Variants in SMOC1 observed in about 807,000 individuals in gnomAD.
SMOC1 encodes SPARC related modular calcium binding 1.
SMOC1 carries 22 observed loss-of-function variants against 56.3 expected under a neutral mutation model. That is an observed-to-expected ratio of 0.39 (90% CI 0.28 to 0.56). The LOEUF is 0.56. Among genes scored for constraint, SMOC1 ranks in the 20% least tolerant of loss-of-function variants. The pLI is 0.61. For missense variants in SMOC1, 509 were observed against 565.4 expected (o/e 0.90, Z 1.01); for synonymous variants, 193 against 215.0 (o/e 0.90, Z 0.89).
At chr14:69,948,051 G>A (rs934469928) in intron 1 of SMOC1, among the ~76,000 whole-genome samples, 4 of 152,166 alleles carry the variant, frequency 2.6e-5, no homozygotes, top group African/African-American at 9.7e-5. Flanking sequence ...TTCCTATGCT[G>A]GTACGGTGTT....
rs1884038110 is a variant in SMOC1, at chr14:69,978,149, G to A, written c.526+184G>A. On this transcript the variant is annotated intron_variant, in intron 5 of 11. Transcript: ENST00000361956. ...GGTAAGTAAGGCTCATACAGTGATG[G>A]ACACCAAGCTCCCAGATTTCCCAAG... The A allele has an allele frequency of 1.4e-5, 9 of 653,976 alleles. 1 individual carries two copies. In the South Asian group the frequency reaches 1.5e-4, roughly 11 times the overall value. The allele number at this position is 653,976 out of a possible 1,614,324, so 40.5% of individuals were successfully genotyped here.
chr14:69,902,268 G>A (rs1884261988), intron 1 of SMOC1, among the ~76,000 whole-genome samples: 3 of 152,346 alleles, frequency 2.0e-5, no homozygotes, highest in South Asian at 4.1e-4. Context: ...AAAGCTGAGA[G>A]AGGAAAGAGA....
chr14:69,958,570 G>A (rs565326237), intron 3 of SMOC1, among the ~76,000 whole-genome samples: 17 of 152,260 alleles, frequency 1.1e-4, no homozygotes, highest in Middle Eastern at 3.4e-3. Flanking sequence ...AAGGGAAAAG[G>A]GTGCCCTTCT....
chr14:69,935,193 G>A (rs1885264767), intron 1 of SMOC1, among the ~76,000 whole-genome samples: 1 of 152,086 alleles, frequency 6.6e-6, no homozygotes, highest in Non-Finnish European at 1.5e-5. Flanking sequence ...GTGGAGACAG[G>A]GACCCCAAAT....
intron 3 of SMOC1, among the ~76,000 whole-genome samples, chr14:69,964,883 C>G (rs1350489250): frequency 1.3e-5 from 2 of 152,086 alleles, no homozygotes; most frequent in Non-Finnish European, 2.9e-5. Context: ...AGTCAGTATT[C>G]AAACCCAAGT....
At chr14:69,991,099 C>G (rs1407008327) in intron 5 of SMOC1, among the ~76,000 whole-genome samples, 1 of 152,158 alleles carries the variant, frequency 6.6e-6, no homozygotes, top group Non-Finnish European at 1.5e-5. Context: ...TATTGATGAT[C>G]TGACTGGCGT....
chr14:69,902,688 C>T (rs1009623106), intron 1 of SMOC1, among the ~76,000 whole-genome samples: 15 of 151,878 alleles, frequency 9.9e-5, no homozygotes, highest in Admixed American at 6.6e-4. Flanking sequence ...ACTGTACTGC[C>T]GCCATCTCTG....
At chr14:69,894,734 T>A (rs1311368450) in intron 1 of SMOC1, among the ~76,000 whole-genome samples, 1 of 152,180 alleles carries the variant, frequency 6.6e-6, no homozygotes, top group East Asian at 1.9e-4. Context: ...AGTTGCTTCA[T>A]CTATTAAGGG....
rs542940843 is a variant in SMOC1, at chr14:69,950,152, G to A, written c.100-1986G>A. Among the ~76,000 whole-genome samples the A allele has an allele frequency of 3.3e-5, 5 of 152,288 alleles. No individual in the cohort carries two copies. The South Asian group carries it at 8.3e-4, about 25-fold the overall frequency. On this transcript the variant is annotated intron_variant, in intron 1 of 11. Transcript: ENST00000361956. ...AGCCCAAGGTGTCTGAAGAGAAAGCGCAATTTCACTGTCCATTTGGACAAG... is the reference window on the plus strand; with the variant it reads ...AGCCCAAGGTGTCTGAAGAGAAAGCACAATTTCACTGTCCATTTGGACAAG...
chr14:70,026,616 G>A (rs1161519533), intron 11 of SMOC1, among the ~76,000 whole-genome samples: 1 of 152,218 alleles, frequency 6.6e-6, no homozygotes, highest in Admixed American at 6.5e-5. Context: ...GAGGCCCCTA[G>A]GGTGCTTTGG....
At chr14:70,023,866 A>C (rs1013825623) in intron 11 of SMOC1, among the ~76,000 whole-genome samples, 1 of 150,316 alleles carries the variant, frequency 6.7e-6, no homozygotes, top group South Asian at 2.1e-4. Flanking sequence ...TAGGGGTAGG[A>C]GTAGGGGCAG....
intron 7 of SMOC1, among the ~76,000 whole-genome samples, chr14:69,999,734 C>T (rs1015270377): frequency 1.6e-4 from 25 of 152,158 alleles, no homozygotes; most frequent in African/African-American, 5.8e-4. Context: ...TAAAATTTCC[C>T]TTTGCGGAGA....
intron 1 of SMOC1, among the ~76,000 whole-genome samples, chr14:69,913,015 G>A (rs767126201): frequency 1.3e-5 from 2 of 152,192 alleles, no homozygotes; most frequent in Non-Finnish European, 2.9e-5. Context: ...TGGGAGGAAC[G>A]ATGGCTAATG....
intron 3 of SMOC1, among the ~76,000 whole-genome samples, chr14:69,954,660 A>C (rs545759994): frequency 7.7e-4 from 118 of 152,292 alleles, no homozygotes; most frequent in African/African-American, 2.6e-3. Flanking sequence ...AAAGTGTGGA[A>C]GGTCACTGGA....
intron 1 of SMOC1, among the ~76,000 whole-genome samples, chr14:69,941,732 T>C (rs1453440279): frequency 1.3e-5 from 2 of 152,248 alleles, no homozygotes; most frequent in African/African-American, 4.8e-5. Flanking sequence ...ATTTCTTCTA[T>C]GAAGGGTCAT....
intron 10 of SMOC1, among the ~76,000 whole-genome samples, chr14:70,018,660 GT>G (rs935823673): frequency 2.6e-5 from 4 of 152,198 alleles, no homozygotes; most frequent in African/African-American, 9.7e-5. Context: ...AGCCGGCAGA[GT>G]CTTCTAGAGC....
intron 3 of SMOC1, among the ~76,000 whole-genome samples, chr14:69,957,425 G>A (rs891499432): frequency 1.3e-5 from 2 of 152,190 alleles, no homozygotes; most frequent in African/African-American, 2.4e-5. Flanking sequence ...AGGTCCCTAA[G>A]CTTAAGACAA....
chr14:69,991,576 T>C (rs1391018848), intron 5 of SMOC1, among the ~76,000 whole-genome samples: 2 of 152,204 alleles, frequency 1.3e-5, no homozygotes, highest in Admixed American at 1.3e-4. Flanking sequence ...AAGTCTGCAC[T>C]AACTCCTGAC....
At chr14:69,882,413 C>T (rs942637688) in intron 1 of SMOC1, among the ~76,000 whole-genome samples, 3 of 152,156 alleles carry the variant, frequency 2.0e-5, no homozygotes, top group Admixed American at 6.5e-5. Context: ...CCCCAGTCCT[C>T]GCCCCCTTAT....
Sources: gnomAD v4.1 joint callset for allele counts (sites outside exome capture counted in the v4.1 genomes callset) on GRCh38, gnomAD v4.1.1 for gene constraint, MANE v1.5 for transcripts, NCBI Gene and HGNC (gene_info 2026-07-23, HGNC 2026-07-21) for gene names.